The following MUC5AC variants were observed in gnomAD, a reference collection of about 807,000 sequenced individuals.
The protein encoded by MUC5AC is mucin-5AC.
A neutral mutation model predicts 169.7 loss-of-function variants in MUC5AC; 158 were observed. The observed-to-expected ratio is 0.93, with a 90% confidence interval of 0.82 to 1.06. MUC5AC has a LOEUF of 1.06. Ranked by LOEUF, MUC5AC falls within the 50% of genes least tolerant of loss-of-function variation. The pLI is 0.00. For missense variants in MUC5AC, 4,359 were observed against 3,089.9 expected (o/e 1.41, Z -9.74); for synonymous variants, 1,975 against 1,237.0 (o/e 1.60, Z -12.52).
chr11:1,161,183 G>A (rs576725520), intron 2 of MUC5AC, among the ~76,000 whole-genome samples: 24 of 152,314 alleles, frequency 1.6e-4, no homozygotes, highest in African/African-American at 5.8e-4. Context: ...TCTCCAAATC[G>A]GGCCAGACAG....
At position 1,190,153 on chromosome 11, in the gene MUC5AC, G is replaced by A. The variant is rs1488470187; in HGVS notation, c.12008G>A (p.Arg4003Gln). The A allele has an allele frequency of 1.1e-4, 87 of 764,614 alleles. 1 individual carries two copies. The highest frequency in any genetic ancestry group is 4.6e-4 in the East Asian group (19 of 41,236). 47.4% of individuals were successfully genotyped at this position (764,614 alleles called of 1,614,324 possible). ...RPEEITRLQCRAESHPEVSIE... is the reference protein window; with the variant it reads ...RPEEITRLQCQAESHPEVSIE... ...GAGGAGATCACCAGGCTCCAGTGCC[G>A]AGCCGAGAGCCACCCGGAGGTGAGC... The change falls in exon 31 of 49, where the codon CGA (arginine) becomes CAA (glutamine). Residue 4003 changes from arginine to glutamine, a missense_variant. Arg to Gln is a conservative substitution (Grantham distance 43). Coordinates refer to ENST00000621226, the MANE Select transcript of MUC5AC (RefSeq NM_001304359.2).
rs958501105 is a variant in MUC5AC, at chr11:1,176,198, G to C, written c.2449G>C (p.Gly817Arg). The change falls in exon 20 of 49, where the codon GGG becomes CGG. Residue 817 changes from glycine to arginine, a missense_variant. Transcript: ENST00000621226. Reference sequence around the variant, plus strand: ...CTTTGACTGCCGAAATGCCACGCCCGGGGACACAGGGGCTGGCTGTCAGAA... The same window carrying C: ...CTTTGACTGCCGAAATGCCACGCCCCGGGACACAGGGGCTGGCTGTCAGAA... ...VFFDCRNATPGDTGAGCQKSC... is the reference protein window; with the variant it reads ...VFFDCRNATPRDTGAGCQKSC... 3 of 398,560 alleles carry C rather than the reference G, an allele frequency of 7.5e-6. No homozygotes were observed. Among genetic ancestry groups the C allele is most frequent in the Non-Finnish European group, 1.3e-5 (3 of 226,108 alleles). The allele number at this position is 398,560 out of a possible 1,614,324, so 24.7% of individuals were successfully genotyped here.
At position 1,195,089 on chromosome 11, in the gene MUC5AC, G is replaced by A. The variant is rs1861229606; in HGVS notation, c.15268G>A (p.Gly5090Ser). 2.6e-6 allele frequency: 2 copies of A among 761,650 alleles called. No individual in the cohort carries two copies. Among genetic ancestry groups the A allele is most frequent in the South Asian group, 1.4e-5 (1 of 74,042 alleles). The allele number at this position is 761,650 out of a possible 1,614,324, so 47.2% of individuals were successfully genotyped here. Residue 5090 changes from glycine to serine, a missense_variant, in exon 36 of 49, where the codon GGC (glycine) becomes AGC (serine). Coordinates refer to ENST00000621226, the MANE Select transcript of MUC5AC (RefSeq NM_001304359.2). Reference protein sequence around the residue: ...TVVASCSEMSGLWNVSIPDQP... With the variant: ...TVVASCSEMSSLWNVSIPDQP... Reference sequence around the variant, plus strand: ...GGTCGCTTCCTGCTCCGAGATGTCCGGCCTCTGGAACGTGAGCATACCCGA... The same window carrying A: ...GGTCGCTTCCTGCTCCGAGATGTCCAGCCTCTGGAACGTGAGCATACCCGA...
chr11:1,178,423 C>T, intron 24 of MUC5AC, 21 bp from the exon 25 acceptor site: 1 of 534,438 alleles, frequency 1.9e-6, no homozygotes, highest in Non-Finnish European at 2.9e-6. Flanking sequence ...CCCACCTCCA[C>T]CTCTCCCGGT....
At position 1,200,537 on chromosome 11, in the gene MUC5AC, C is replaced by A; in HGVS notation, c.16800C>A (p.Ser5600=). Residue 5600 remains serine, a synonymous_variant, in exon 49 of 49, where the codon TCC becomes TCA. Coordinates refer to ENST00000621226, the MANE Select transcript of MUC5AC (RefSeq NM_001304359.2). The part of the protein sequence containing the change: ...RNVTLHCTDG[S]SRAFSYTEVE... The stretch of plus-strand genomic sequence containing the variant: ...TGACCCTGCACTGCACCGACGGCTC[C>A]AGCCGGGCCTTCAGCTACACCGAGG... 1.3e-6 allele frequency: 1 copy of A among 763,538 alleles called. No individual in the cohort carries two copies. Among genetic ancestry groups the A allele is most frequent in the East Asian group, 2.4e-5 (1 of 41,158 alleles). The allele number at this position is 763,538 out of a possible 1,614,324, so 47.3% of individuals were successfully genotyped here. A position where few individuals can be genotyped will look rare whatever the true frequency, so the allele number is the denominator to read the frequency against.
Position 1,183,952 on chromosome 11 carries a change from T to C in MUC5AC, c.5807T>C (p.Val1936Ala), listed in dbSNP as rs1860869765. Residue 1936 changes from valine (V) to alanine (A), a missense_variant, in exon 31 of 49, where the codon GTC (valine) becomes GCC (alanine). Physicochemically the swap from Val to Ala is moderately conservative, Grantham distance 64. Coordinates refer to ENST00000621226, the MANE Select transcript of MUC5AC (RefSeq NM_001304359.2). ...ACCACGGCCCCGGGGACCTCTGTGG[T>C]CTCCAGCAAGCCCACCCCCACGGAG... ...MSTTAPGTSV[V>A]SSKPTPTEPS... 2.5e-6 allele frequency: 1 copy of C among 395,102 alleles called. No homozygotes were observed. Among genetic ancestry groups the C allele is most frequent in the Admixed American group, 4.4e-5 (1 of 22,478 alleles). The allele number at this position is 395,102 out of a possible 1,614,324, so 24.5% of individuals were successfully genotyped here.
chr11:1,176,740 C>T, intron 21 of MUC5AC, 75 bp downstream of exon 21: 1 of 398,518 alleles, frequency 2.5e-6, no homozygotes. Flanking sequence ...GACGGGCGAG[C>T]CCCCAGCACA....
At chr11:1,194,071 A>C (rs1169463751) in intron 33 of MUC5AC, 39 bp from the exon 34 acceptor site, 5 of 758,376 alleles carry the variant, frequency 6.6e-6, no homozygotes, top group Non-Finnish European at 1.2e-5. Context: ...TGGTGCCACC[A>C]CCCGAGCCAC....
At position 1,200,817 on chromosome 11, in the gene MUC5AC, A is replaced by G. The variant is rs1861411532; in HGVS notation, c.*115A>G. The G allele has an allele frequency of 1.5e-6, 1 of 651,440 alleles. No individual in the cohort carries two copies. The highest frequency in any genetic ancestry group is 2.6e-4 in the Middle Eastern group (1 of 3,894). The allele number at this position is 651,440 out of a possible 1,614,324, so 40.4% of individuals were successfully genotyped here. ...TCCAGGCGGCTGCAGCTTTGAACAC[A>G]CTGTCCACGCCCGCTTTCTTGTGGA... On this transcript the variant is annotated 3_prime_UTR_variant, in exon 49 of 49. Transcript: ENST00000621226.
In MUC5AC at chr11:1,187,161, T is replaced by A; in HGVS notation, c.9016T>A (p.Ser3006Thr). ...CTCTGCCCCTACAACCAGCACAATC[T>A]CGGCCCCAACAACCAGCACACCCTC... Reference protein sequence around the residue: ...TTSAPTTSTISAPTTSTPSAP... With the variant: ...TTSAPTTSTITAPTTSTPSAP... Residue 3006 changes from serine (S) to threonine (T), a missense_variant, in exon 31 of 49, where the codon TCG becomes ACG. Coordinates refer to ENST00000621226, the MANE Select transcript of MUC5AC (RefSeq NM_001304359.2). 1 of 704,012 alleles carries A rather than the reference T, an allele frequency of 1.4e-6. No homozygotes were observed. The highest frequency in any genetic ancestry group is 2.6e-6 in the Non-Finnish European group (1 of 388,472). The allele number at this position is 704,012 out of a possible 1,614,324, so 43.6% of individuals were successfully genotyped here.
At chr11:1,163,175 T>G in intron 6 of MUC5AC, 130 bp downstream of exon 6, 6 of 865,776 alleles carry the variant, frequency 6.9e-6, no homozygotes, top group Non-Finnish European at 1.1e-5. Flanking sequence ...CCCTCCCTCC[T>G]AGCACAGCAC....
rs1012639717 is a variant in MUC5AC, at chr11:1,181,471, G to A, written c.4009+12G>A. 3.3e-4 allele frequency: 100 copies of A among 299,544 alleles called. No homozygotes were observed. Among genetic ancestry groups the A allele is most frequent in the Non-Finnish European group, 3.8e-4 (69 of 182,032 alleles). The allele number at this position is 299,544 out of a possible 1,614,324, so 18.6% of individuals were successfully genotyped here. On this transcript the variant is annotated intron_variant, in intron 30 of 48. Coordinates refer to ENST00000621226, the MANE Select transcript of MUC5AC (RefSeq NM_001304359.2). ...CACACCCCCGCTTGGTAAGGCAAATGTGGCCGAGGAGCCCCAGGGTGAGCC... is the reference window on the plus strand; with the variant it reads ...CACACCCCCGCTTGGTAAGGCAAATATGGCCGAGGAGCCCCAGGGTGAGCC...
In MUC5AC at chr11:1,178,512, G is replaced by A; in HGVS notation, c.3156G>A (p.Arg1052=). The A allele has an allele frequency of 8.1e-7, 1 of 1,241,194 alleles. No homozygotes were observed. Among genetic ancestry groups the A allele is most frequent in the Non-Finnish European group, 1.1e-6 (1 of 941,656 alleles). The allele number at this position is 1,241,194 out of a possible 1,614,324, so 76.9% of individuals were successfully genotyped here. The change falls in exon 25 of 49, where the codon CGG becomes CGA. Residue 1052 remains arginine (R), a synonymous_variant. Coordinates refer to ENST00000621226, the MANE Select transcript of MUC5AC (RefSeq NM_001304359.2). ...TTAATGACTTTGCCACGCGGAGCCG[G>A]TCTGTGGTGGGGGACGTGCTGGAGT... is the stretch of plus-strand genomic sequence containing the variant. ...IAVNDFATRS[R]SVVGDVLEFG... is the part of the protein sequence containing the mutation.
At chr11:1,177,852 C>A (rs1860724487) in intron 24 of MUC5AC, among the ~76,000 whole-genome samples, 1 of 152,222 alleles carries the variant, frequency 6.6e-6, no homozygotes, top group Admixed American at 6.5e-5. Flanking sequence ...AAGGCCCGCA[C>A]CCTGGCGGAT....
intron 15 of MUC5AC, among the ~76,000 whole-genome samples, chr11:1,169,619 T>C (rs1412020557): frequency 1.2e-3 from 161 of 129,306 alleles, no homozygotes; most frequent in African/African-American, 4.7e-3. Flanking sequence ...ACTCACTCAC[T>C]CACCTCACTC....
rs1350076270 is a variant in MUC5AC, at chr11:1,181,375, G to A, written c.3925G>A (p.Gly1309Ser). ...GCISARCGAN[G>S]TIERRVYPCS... is the part of the protein sequence containing the mutation. ...CATCTCCGCCCGCTGCGGGGCCAAC[G>A]GCACCATTGAGAGGAGGGTCTACCC... Residue 1309 changes from glycine (G) to serine (S), a missense_variant, in exon 30 of 49, where the codon GGC (glycine) becomes AGC (serine). Transcript: ENST00000621226. The A allele has an allele frequency of 2.0e-5, 8 of 398,502 alleles. No homozygotes were observed. Among genetic ancestry groups the A allele is most frequent in the East Asian group, 1.4e-4 (4 of 28,054 alleles). 24.7% of individuals were successfully genotyped at this position (398,502 alleles called of 1,614,324 possible).
rs1246878411 is a variant in MUC5AC at position 1,185,556 on chromosome 11, G to A, written c.7411G>A (p.Ala2471Thr). ...TSAPTTRTTS[A>T]PKSSTTSAAT... ...TGCCCCTACAACAAGAACAACTTCT[G>A]CTCCTAAAAGCAGCACAACCTCTGC... Residue 2471 changes from alanine (A) to threonine (T), a missense_variant, in exon 31 of 49, where the codon GCT (alanine) becomes ACT (threonine). Physicochemically the swap from Ala to Thr is moderately conservative, Grantham distance 58. Transcript: ENST00000621226. The A allele has an allele frequency of 1.4e-6, 1 of 719,992 alleles. No individual in the cohort carries two copies. Among genetic ancestry groups the A allele is most frequent in the Admixed American group, 1.9e-5 (1 of 51,770 alleles). 44.6% of individuals were successfully genotyped at this position (719,992 alleles called of 1,614,324 possible).
chr11:1,171,517 TCACTCACC>T (rs1178173819), intron 15 of MUC5AC, among the ~76,000 whole-genome samples: 9 of 112,788 alleles, frequency 8.0e-5, no homozygotes, highest in African/African-American at 1.4e-4. Flanking sequence ...ATTCACCCAC[TCACTCACC>T]CACTCACCCA....
rs760368262 is a variant in MUC5AC, at chr11:1,168,591, G to A, written c.1567+39G>A. ...CTTCTTCCCCACCCCGGGGCTGCCT[G>A]GGGTCCCGCCCCACAGCCCCCAGCA... On this transcript the variant is annotated intron_variant, in intron 13 of 48. Coordinates refer to ENST00000621226, the MANE Select transcript of MUC5AC (RefSeq NM_001304359.2). 19 of 1,612,404 alleles carry A rather than the reference G, an allele frequency of 1.2e-5. No individual in the cohort carries two copies. In the African/African-American group the frequency reaches 1.2e-4, roughly 10 times the overall value.
Sources: allele counts gnomAD v4.1 joint callset (sites outside exome capture counted in the v4.1 genomes callset), GRCh38; gene constraint gnomAD v4.1.1; transcripts MANE v1.5; gene names NCBI Gene and HGNC (gene_info 2026-07-23, HGNC 2026-07-21).